Variants in PREX2 observed in about 807,000 individuals in gnomAD.
PREX2 encodes phosphatidylinositol 3,4,5-trisphosphate-dependent Rac exchanger 2 protein.
PREX2 carries 107 observed loss-of-function variants against 203.2 expected under a neutral mutation model. The ratio of observed to expected loss-of-function variants is 0.53; its 90% confidence interval spans 0.45 to 0.62. The LOEUF is 0.62. Ranked by LOEUF, PREX2 falls within the 20% of genes least tolerant of loss-of-function variation. PREX2 has a pLI of 0.00. For missense variants in PREX2, 1,777 were observed against 1,955.9 expected (o/e 0.91, Z 1.72); for synonymous variants, 672 against 663.6 (o/e 1.01, Z -0.19).
At chr8:68,086,264 A>G (rs1585773819) in intron 18 of PREX2, among the ~76,000 whole-genome samples, 1 of 152,150 alleles carries the variant, frequency 6.6e-6, no homozygotes, top group Non-Finnish European at 1.5e-5. Flanking sequence ...CTATCCCTGA[A>G]TGCCTGCCTA....
chr8:68,143,885 C>G (rs943214634), intron 33 of PREX2, among the ~76,000 whole-genome samples: 2 of 152,056 alleles, frequency 1.3e-5, no homozygotes, highest in East Asian at 3.9e-4. Context: ...ATGTGAGTAT[C>G]TAGATTTATG....
chr8:67,992,653 A>C (rs1806643350), intron 1 of PREX2, among the ~76,000 whole-genome samples: 1 of 152,226 alleles, frequency 6.6e-6, no homozygotes. Flanking sequence ...GTGTGTTGCG[A>C]GAAACATCAT....
intron 1 of PREX2, among the ~76,000 whole-genome samples, chr8:68,003,699 A>G (rs1807010456): frequency 6.6e-6 from 1 of 152,200 alleles, no homozygotes; most frequent in South Asian, 2.1e-4. Context: ...AGCCGAGTTA[A>G]CGTTAAAGAG....
chr8:68,187,436 C>T (rs1812211457), intron 35 of PREX2, among the ~76,000 whole-genome samples: 1 of 152,178 alleles, frequency 6.6e-6, no homozygotes, highest in Non-Finnish European at 1.5e-5. Flanking sequence ...ATGCTTCCCA[C>T]TGTGTGTACT....
rs1421568265 is a variant in PREX2, at chr8:68,047,489, A to G, written c.943+2899A>G. ...TGAATTTATATATATATATATATAT[A>G]TATATATATATATATATACACATAC... is the stretch of plus-strand genomic sequence containing the variant. On this transcript the variant is annotated intron_variant, in intron 8 of 39. Transcript: ENST00000288368. 2.7e-3 allele frequency among the ~76,000 whole-genome samples: 279 copies of G among 103,334 alleles called. 1 individual carries two copies. The highest frequency in any genetic ancestry group is 0.017 in the African/African-American group (272 of 15,940). 67.8% of individuals were successfully genotyped at this position (103,334 alleles called of 152,430 possible). A position where few individuals can be genotyped will look rare whatever the true frequency, so the allele number is the denominator to read the frequency against.
intron 1 of PREX2, among the ~76,000 whole-genome samples, chr8:67,977,403 A>G (rs966332800): frequency 6.6e-6 from 1 of 152,240 alleles, no homozygotes; most frequent in Non-Finnish European, 1.5e-5. Flanking sequence ...CTGAAACAAC[A>G]TACAGGAACA....
In PREX2 at chr8:68,215,147, G is replaced by A. The variant is rs549292364; in HGVS notation, c.4605-2469G>A. 7.4e-4 allele frequency among the ~76,000 whole-genome samples: 112 copies of A among 152,246 alleles called. 1 individual carries two copies. Among genetic ancestry groups the A allele is most frequent in the East Asian group, 5.4e-3 (28 of 5,166 alleles). Reference sequence around the variant, plus strand: ...AGTAAAATCTTTTAAAATCTCTGGCGGGTAATTTGCTGCTGTACTGCTGCT... The same window carrying A: ...AGTAAAATCTTTTAAAATCTCTGGCAGGTAATTTGCTGCTGTACTGCTGCT... On this transcript the variant is annotated intron_variant, in intron 37 of 39. Coordinates refer to ENST00000288368, the MANE Select transcript of PREX2 (RefSeq NM_024870.4).
chr8:68,228,944 TAAA>T (rs58993264), intron 39 of PREX2, among the ~76,000 whole-genome samples: 44 of 103,532 alleles, frequency 4.2e-4, no homozygotes, highest in Non-Finnish European at 7.1e-4. Flanking sequence ...CTTGTCTCTT[TAAA>T]AAAAAAAAAA....
Position 67,970,862 on chromosome 8 carries a change from T to G in PREX2, c.141+18327T>G, listed in dbSNP as rs1191339115. 3.3e-5 allele frequency among the ~76,000 whole-genome samples: 5 copies of G among 152,250 alleles called. No homozygotes were observed. In the South Asian group the frequency reaches 8.3e-4, roughly 25 times the overall value. ...GCAGAAAGGTGCTATGTGCAGCTGT[T>G]TTGCAATTATTATTCTTATATTTAT... On this transcript the variant is annotated intron_variant, in intron 1 of 39. Transcript: ENST00000288368.
chr8:68,108,150 A>G lies in PREX2; in HGVS notation c.2757A>G (p.Lys919=), dbSNP rs1441394689. 1.9e-6 allele frequency: 3 copies of G among 1,613,726 alleles called. No homozygotes were observed. The highest frequency in any genetic ancestry group is 1.7e-6 in the Non-Finnish European group (2 of 1,179,878). Residue 919 remains lysine, a synonymous_variant, in exon 24 of 40, where the codon AAA becomes AAG. Transcript: ENST00000288368. ...VLKNRAWPTF[K]QAKSKISPLH... The stretch of plus-strand genomic sequence containing the variant: ...AGAATAGGGCCTGGCCTACTTTTAA[A>G]CAGGCCAAATCTAAAATCTCCCCAC...
intron 11 of PREX2, among the ~76,000 whole-genome samples, chr8:68,065,994 T>C (rs910248610): frequency 6.6e-6 from 1 of 152,198 alleles, no homozygotes; most frequent in African/African-American, 2.4e-5. Flanking sequence ...ACAATCAAGC[T>C]AATTAGTGTA....
At chr8:68,224,166 G>C (rs1380722104) in intron 38 of PREX2, among the ~76,000 whole-genome samples, 1 of 151,940 alleles carries the variant, frequency 6.6e-6, no homozygotes, top group African/African-American at 2.4e-5. Context: ...CCACAATTGC[G>C]TGCCACCATG....
intron 4 of PREX2, among the ~76,000 whole-genome samples, chr8:68,026,647 G>T (rs1456028756): frequency 3.4e-5 from 5 of 148,822 alleles, no homozygotes; most frequent in Non-Finnish European, 1.5e-5. Context: ...AATCCTATCT[G>T]ACCTCCTTCT....
At chr8:68,066,182 A>G (rs917998556) in intron 11 of PREX2, among the ~76,000 whole-genome samples, 2 of 152,154 alleles carry the variant, frequency 1.3e-5, no homozygotes, top group African/African-American at 4.8e-5. Flanking sequence ...TGCAGTGAAC[A>G]TGGGGGTACA....
intron 35 of PREX2, among the ~76,000 whole-genome samples, chr8:68,174,490 A>C (rs1811940909): frequency 1.3e-5 from 2 of 152,152 alleles, no homozygotes; most frequent in African/African-American, 2.4e-5. Flanking sequence ...TTGGCTTTTC[A>C]TAATTTTAGT....
chr8:68,232,540 T>C lies in PREX2; in HGVS notation c.*1162T>C, dbSNP rs1215367278. ...TAATTTTCAAACAAAACACTCATGATTGTGATAATTATATGGGTTTACACT... is the reference window on the plus strand; with the variant it reads ...TAATTTTCAAACAAAACACTCATGACTGTGATAATTATATGGGTTTACACT... On this transcript the variant is annotated 3_prime_UTR_variant, in exon 40 of 40. Coordinates refer to ENST00000288368, the MANE Select transcript of PREX2 (RefSeq NM_024870.4). The C allele has an allele frequency of 6.6e-6, 1 of 152,174 alleles. No homozygotes were observed. The highest frequency in any genetic ancestry group is 2.4e-5 in the African/African-American group (1 of 41,448). The allele number at this position is 152,174 out of a possible 1,614,324, so 9.4% of individuals were successfully genotyped here. A position where few individuals can be genotyped will look rare whatever the true frequency, so the allele number is the denominator to read the frequency against.
At chr8:68,030,442 G>A in intron 5 of PREX2, 55 bp from the exon 6 acceptor site, 1 of 1,574,732 alleles carries the variant, frequency 6.4e-7, no homozygotes, top group Non-Finnish European at 8.7e-7. Flanking sequence ...GTCTGAACCT[G>A]CTGTACCAGA....
chr8:68,101,393 A>G (rs1810259851), intron 23 of PREX2: 2 of 518,802 alleles, frequency 3.9e-6, no homozygotes, highest in Admixed American at 3.9e-5. Flanking sequence ...TATCTTTTAA[A>G]AAGTTACTCA....
intron 1 of PREX2, among the ~76,000 whole-genome samples, chr8:67,993,007 T>C (rs1806652249): frequency 6.6e-6 from 1 of 152,238 alleles, no homozygotes; most frequent in South Asian, 2.1e-4. Flanking sequence ...ACTGCTTATT[T>C]TATAACTTGA....
Sources: allele counts gnomAD v4.1 joint callset (sites outside exome capture counted in the v4.1 genomes callset), GRCh38; gene constraint gnomAD v4.1.1; transcripts MANE v1.5; gene names NCBI Gene and HGNC (gene_info 2026-07-23, HGNC 2026-07-21).